The following NTNG1 variants were observed in gnomAD, a reference collection of about 807,000 sequenced individuals.
NTNG1 encodes the protein netrin-G1.
In NTNG1, 16 loss-of-function variants were observed where a neutral mutation model predicts 54.0. The ratio of observed to expected loss-of-function variants is 0.30; its 90% CI spans 0.20 to 0.45. The LOEUF (loss-of-function observed/expected upper bound fraction) is 0.45. Among genes scored for constraint, NTNG1 ranks in the 20% least tolerant of loss-of-function variants. NTNG1 has a pLI of 1.00. For synonymous variants in NTNG1, 255 were observed against 263.1 expected, an observed-to-expected ratio of 0.97 and a Z score of 0.30; for missense variants, 530 against 678.7, an observed-to-expected ratio of 0.78 and a Z score of 2.43.
intron 2 of NTNG1, among the ~76,000 whole-genome samples, chr1:107,318,435 T>A (rs1000968655): frequency 7.3e-6 from 1 of 136,604 alleles, no homozygotes; most frequent in Admixed American, 8.0e-5. Context: ...GTAAAGTGTT[T>A]CCTTTGAAAA....
intron 3 of NTNG1, among the ~76,000 whole-genome samples, chr1:107,389,131 T>C (rs988730015): frequency 6.6e-6 from 1 of 152,204 alleles, no homozygotes; most frequent in African/African-American, 2.4e-5. Context: ...CCAAAGCATA[T>C]TACCATGTGA....
intron 7 of NTNG1, among the ~76,000 whole-genome samples, chr1:107,465,671 A>C (rs1317962391): frequency 2.0e-5 from 3 of 152,170 alleles, no homozygotes; most frequent in African/African-American, 7.2e-5. Context: ...TATCTGGAGC[A>C]GAGACACCTC....
intron 7 of NTNG1, among the ~76,000 whole-genome samples, chr1:107,457,951 C>T (rs1383070482): frequency 6.6e-6 from 1 of 151,970 alleles, no homozygotes; most frequent in Non-Finnish European, 1.5e-5. Flanking sequence ...AGAATGAGCC[C>T]GTCCTCAGCA....
intron 2 of NTNG1, among the ~76,000 whole-genome samples, chr1:107,181,860 A>G (rs796829530): frequency 5.9e-5 from 9 of 152,246 alleles, no homozygotes; most frequent in African/African-American, 2.2e-4. Context: ...TATATGCAGA[A>G]CGCTCATTTG....
chr1:107,317,543 T>A (rs1667403249), intron 2 of NTNG1, among the ~76,000 whole-genome samples: 1 of 152,194 alleles, frequency 6.6e-6, no homozygotes, highest in Non-Finnish European at 1.5e-5. Flanking sequence ...AATCTGTTTT[T>A]GTGGCTTATG....
At chr1:107,480,288 C>A (rs2101616933) in intron 7 of NTNG1, among the ~76,000 whole-genome samples, 1 of 152,240 alleles carries the variant, frequency 6.6e-6, no homozygotes, top group South Asian at 2.1e-4. Flanking sequence ...CACAACAGGT[C>A]CCAGTTCCAT....
At chr1:107,391,284 G>A (rs538530470) in intron 3 of NTNG1, among the ~76,000 whole-genome samples, 9 of 152,274 alleles carry the variant, frequency 5.9e-5, no homozygotes, top group African/African-American at 1.7e-4. Flanking sequence ...TCTTACAATG[G>A]TTCTATTCCA....
intron 2 of NTNG1, among the ~76,000 whole-genome samples, chr1:107,312,161 T>A (rs1342833028): frequency 6.6e-6 from 1 of 152,112 alleles, no homozygotes; most frequent in African/African-American, 2.4e-5. Flanking sequence ...TCAGAAGAAA[T>A]ATATTTTTAA....
chr1:107,165,002 G>A (rs1381584679), intron 2 of NTNG1, among the ~76,000 whole-genome samples: 1 of 152,024 alleles, frequency 6.6e-6, no homozygotes, highest in Non-Finnish European at 1.5e-5. Context: ...AAGAGAGCAG[G>A]GATACGAGCC....
intron 2 of NTNG1, among the ~76,000 whole-genome samples, chr1:107,280,173 T>TC (rs1553216346): frequency 1.5e-4 from 23 of 149,034 alleles, no homozygotes; most frequent in Non-Finnish European, 3.4e-4. Flanking sequence ...TTTTTTTTTT[T>TC]CCCTCACTGT....
intron 7 of NTNG1, among the ~76,000 whole-genome samples, chr1:107,476,416 C>A (rs1281956186): frequency 6.6e-6 from 1 of 152,172 alleles, no homozygotes; most frequent in African/African-American, 2.4e-5. Flanking sequence ...ATCTCCTGTT[C>A]CATTAAATAG....
intron 2 of NTNG1, among the ~76,000 whole-genome samples, chr1:107,227,914 A>G (rs999854725): frequency 7.2e-5 from 11 of 152,200 alleles, no homozygotes. Flanking sequence ...TTTCAGTGAT[A>G]CTAATTAGTT....
chr1:107,142,757 T>C (rs1173101290), intron 1 of NTNG1, among the ~76,000 whole-genome samples: 9 of 144,582 alleles, frequency 6.2e-5, no homozygotes, highest in African/African-American at 2.4e-4. Context: ...TGGAAAGTTT[T>C]CCAAAAAATA....
At chr1:107,400,307 G>A (rs992824203) in intron 4 of NTNG1, among the ~76,000 whole-genome samples, 1 of 152,106 alleles carries the variant, frequency 6.6e-6, no homozygotes, top group Non-Finnish European at 1.5e-5. Flanking sequence ...GATAATGTGT[G>A]TAGATTTACA....
intron 5 of NTNG1, among the ~76,000 whole-genome samples, chr1:107,430,511 G>T (rs979854043): frequency 5.3e-5 from 8 of 152,126 alleles, no homozygotes; most frequent in Non-Finnish European, 2.9e-5. Context: ...CATTTTGTCT[G>T]CCAAGAATTA....
intron 3 of NTNG1, 53 bp downstream of exon 3, chr1:107,324,975 G>T: frequency 8.0e-6 from 12 of 1,508,504 alleles, no homozygotes; most frequent in Non-Finnish European, 1.1e-5. Flanking sequence ...CAAAGAAAAT[G>T]CCAGAGTGTC....
intron 2 of NTNG1, among the ~76,000 whole-genome samples, chr1:107,218,795 G>C (rs1255922522): frequency 6.6e-6 from 1 of 152,180 alleles, no homozygotes; most frequent in African/African-American, 2.4e-5. Flanking sequence ...GTCCCTTCTA[G>C]CTTGTAGGGT....
intron 2 of NTNG1, among the ~76,000 whole-genome samples, chr1:107,271,190 A>C (rs1180854963): frequency 6.6e-6 from 1 of 152,196 alleles, no homozygotes; most frequent in African/African-American, 2.4e-5. Flanking sequence ...TTTAATTGAT[A>C]TTGTAAGAAT....
chr1:107,307,998 C>T (rs572260991), intron 2 of NTNG1, among the ~76,000 whole-genome samples: 59 of 152,098 alleles, frequency 3.9e-4, no homozygotes, highest in African/African-American at 1.3e-3. Context: ...ATGTCTTTGC[C>T]CACTTTTAAT....
Sources: gnomAD v4.1 joint callset for allele counts (sites outside exome capture counted in the v4.1 genomes callset) on GRCh38, gnomAD v4.1.1 for gene constraint, MANE v1.5 for transcripts, NCBI Gene and HGNC (gene_info 2026-07-23, HGNC 2026-07-21) for gene names.